The following SYNGR4 variants were observed in gnomAD, a reference collection of about 807,000 sequenced individuals.
SYNGR4 encodes synaptogyrin 4, also known as synaptogyrin-4.
A neutral mutation model predicts 15.5 loss-of-function variants in SYNGR4; 15 were observed. The observed-to-expected ratio is 0.97, with a 90% CI of 0.65 to 1.49. The LOEUF is 1.49. Ranked by LOEUF, SYNGR4 falls within the 40% of genes most tolerant of loss-of-function variation. SYNGR4 has a pLI of 0.00. For synonymous variants in SYNGR4, 121 were observed against 127.4 expected, an observed-to-expected ratio of 0.95 and a Z score of 0.34; for missense variants, 292 against 299.3, an observed-to-expected ratio of 0.98 and a Z score of 0.18.
At chr19:48,374,647 G>A (rs1330058599) in intron 3 of SYNGR4, among the ~76,000 whole-genome samples, 4 of 152,174 alleles carry the variant, frequency 2.6e-5, no homozygotes, top group Non-Finnish European at 4.4e-5. Context: ...TCTCATGCAG[G>A]AGCCACTGAC....
At chr19:48,374,941 A>T (rs1371805913) in intron 3 of SYNGR4, among the ~76,000 whole-genome samples, 1 of 148,326 alleles carries the variant, frequency 6.7e-6, no homozygotes, top group Non-Finnish European at 1.5e-5. Flanking sequence ...GCGCCATGGC[A>T]CCCCAGCCTC....
rs184155648 is a variant in SYNGR4 at position 48,372,730 on chromosome 19, A to C, written c.94-787A>C. On this transcript the variant is annotated intron_variant, in intron 2 of 4. Coordinates refer to ENST00000344846, the MANE Select transcript of SYNGR4 (RefSeq NM_012451.4). ...TCTAAAACAAAATCCCGAAGCCAAA[A>C]AACAAGGCAAAATGTTAATATGTGT... Among the ~76,000 whole-genome samples, 47 of 152,230 alleles carry C rather than the reference A, an allele frequency of 3.1e-4. 2 individuals carry two copies. The East Asian group carries it at 6.0e-3, about 19-fold the overall frequency.
chr19:48,373,615 G>T lies in SYNGR4; in HGVS notation c.192G>T (p.Val64=), dbSNP rs1216902489. The change falls in exon 3 of 5, where the codon GTG becomes GTT. Residue 64 remains valine, a synonymous_variant. Transcript: ENST00000344846. ...QLHCILNSNS[V]ACSFAVGAGF... is the part of the protein sequence containing the mutation. ...ACTGCATTCTCAACAGCAACAGCGT[G>T]GCCTGCAGCTTTGCCGTGGGAGCCG... 3 of 1,613,746 alleles carry T rather than the reference G, an allele frequency of 1.9e-6. No individual in the cohort carries two copies. Among genetic ancestry groups the T allele is most frequent in the Non-Finnish European group, 2.5e-6 (3 of 1,180,036 alleles).
At chr19:48,373,869 C>T (rs1157353783) in intron 3 of SYNGR4, 115 bp downstream of exon 3, 7 of 1,042,318 alleles carry the variant, frequency 6.7e-6, no homozygotes, top group Middle Eastern at 3.0e-4. Context: ...TCCACCCTGA[C>T]TGTCCTCCCA....
At chr19:48,375,024 C>CT (rs1258344237) in intron 3 of SYNGR4, among the ~76,000 whole-genome samples, 15 of 127,780 alleles carry the variant, frequency 1.2e-4, no homozygotes, top group Admixed American at 7.5e-4. Flanking sequence ...AGCTGAGAAA[C>CT]ATTTTTTTTT....
Position 48,373,523 on chromosome 19 carries a change from T to A in SYNGR4, c.100T>A (p.Ser34Thr), listed in dbSNP as rs769603289. 4 of 1,613,230 alleles carry A rather than the reference T, an allele frequency of 2.5e-6. No individual in the cohort carries two copies. Among genetic ancestry groups the A allele is most frequent in the Non-Finnish European group, 2.5e-6 (3 of 1,179,828 alleles). The change falls in exon 3 of 5, where the codon TCC becomes ACC. Residue 34 changes from serine to threonine, a missense_variant. Ser to Thr is a moderately conservative substitution (Grantham distance 58). Transcript: ENST00000344846. ...TITRVFEGVF[S>T]LIVFSSLLTD... ...GGCCCCTGGAAATCCACAGGTCTTC[T>A]CCCTGATCGTCTTCTCCTCCCTGCT... is the stretch of plus-strand genomic sequence containing the variant.
In SYNGR4 at chr19:48,376,342, G is replaced by A. The variant is rs1305511087; in HGVS notation, c.*24G>A. The A allele has an allele frequency of 1.9e-6, 3 of 1,609,910 alleles. No individual in the cohort carries two copies. The highest frequency in any genetic ancestry group is 2.5e-6 in the Non-Finnish European group (3 of 1,178,616). On this transcript the variant is annotated 3_prime_UTR_variant, in exon 5 of 5. Coordinates refer to ENST00000344846, the MANE Select transcript of SYNGR4 (RefSeq NM_012451.4). ...AAATATCCTTATCCAAATCAATAAAGAGAGAATCCTCCCTCCAGAAGGGTT... is the reference window on the plus strand; with the variant it reads ...AAATATCCTTATCCAAATCAATAAAAAGAGAATCCTCCCTCCAGAAGGGTT...
intron 3 of SYNGR4, among the ~76,000 whole-genome samples, chr19:48,374,703 C>T (rs894873070): frequency 2.6e-5 from 4 of 152,128 alleles, no homozygotes; most frequent in East Asian, 1.9e-4. Context: ...TGGCCGGGGA[C>T]GGTGGCTCAC....
chr19:48,375,546 C>T (rs1328245776), intron 3 of SYNGR4, 67 bp from the exon 4 acceptor site: 5 of 1,563,142 alleles, frequency 3.2e-6, no homozygotes, highest in Non-Finnish European at 2.6e-6. Context: ...CCATCCTTCC[C>T]ATGCCTCAGC....
chr19:48,365,635 A>AC (rs36115825), intron 1 of SYNGR4, 101 bp from the exon 2 acceptor site: 108 of 224,746 alleles, frequency 4.8e-4, no homozygotes, highest in African/African-American at 2.1e-3. Flanking sequence ...CATTCCGGGG[A>AC]CCCCCCCCAT....
chr19:48,372,347 A>G (rs1176461224), intron 2 of SYNGR4, among the ~76,000 whole-genome samples: 1 of 152,052 alleles, frequency 6.6e-6, no homozygotes, highest in Non-Finnish European at 1.5e-5. Context: ...TAGCAAATAC[A>G]CATAGAAGAC....
At chr19:48,364,309 C>A, upstream of SYNGR4, 1 of 258,560 alleles carries the variant, frequency 3.9e-6, no homozygotes, top group Non-Finnish European at 7.4e-6. Flanking sequence ...GACTTGGGCG[C>A]AGCCAATCAG....
intron 2 of SYNGR4, among the ~76,000 whole-genome samples, chr19:48,370,544 T>C (rs1285235260): frequency 6.6e-6 from 1 of 152,060 alleles, no homozygotes; most frequent in Non-Finnish European, 1.5e-5. Flanking sequence ...GTTCCAATTC[T>C]AACGAAGGGG....
At position 48,376,184 on chromosome 19, in the gene SYNGR4, C is replaced by G. The variant is rs1374546940; in HGVS notation, c.571C>G (p.Pro191Ala). The G allele has an allele frequency of 6.2e-7, 1 of 1,614,038 alleles. No homozygotes were observed. Among genetic ancestry groups the G allele is most frequent in the African/African-American group, 1.3e-5 (1 of 74,930 alleles). Residue 191 changes from proline to alanine, a missense_variant, in exon 5 of 5, where the codon CCC (proline) becomes GCC (alanine). Coordinates refer to ENST00000344846, the MANE Select transcript of SYNGR4 (RefSeq NM_012451.4). ...GGGTGGCATGGTGCTGACCACCCTC[C>G]CCTTGCCCTCTGCCAACAGCCCTGT... ...DEGGMVLTTL[P>A]LPSANSPVNM...
At position 48,364,550 on chromosome 19, in the gene SYNGR4, C is replaced by CG. The variant is rs1338043995; in HGVS notation, c.-108+17dup. 1.3e-5 allele frequency: 2 copies of CG among 152,202 alleles called. No homozygotes were observed. Among genetic ancestry groups the CG allele is most frequent in the East Asian group, 3.9e-4 (2 of 5,176 alleles). The allele number at this position is 152,202 out of a possible 1,614,324, so 9.4% of individuals were successfully genotyped here. On this transcript the variant is annotated intron_variant, in intron 1 of 4. Coordinates refer to ENST00000344846, the MANE Select transcript of SYNGR4 (RefSeq NM_012451.4). ...CGATTCTAAGAAGGTAGCCCAGTGC[C>CG]GGGGCGTGGCCTCATTCTGAGGTTC...
At chr19:48,371,416 G>C (rs1182287097) in intron 2 of SYNGR4, among the ~76,000 whole-genome samples, 2 of 152,118 alleles carry the variant, frequency 1.3e-5, no homozygotes, top group East Asian at 3.9e-4. Context: ...TGACCATCTG[G>C]GACAAATCAC....
At chr19:48,374,677 CT>C (rs765303841) in intron 3 of SYNGR4, among the ~76,000 whole-genome samples, 1 of 152,182 alleles carries the variant, frequency 6.6e-6, no homozygotes, top group South Asian at 2.1e-4. Context: ...CTATTAAGCA[CT>C]TGAAATGCAG....
chr19:48,376,179 C>T lies in SYNGR4; in HGVS notation c.566C>T (p.Thr189Ile), dbSNP rs1334230312. 7 of 1,614,026 alleles carry T rather than the reference C, an allele frequency of 4.3e-6. No individual in the cohort carries two copies. The highest frequency in any genetic ancestry group is 4.0e-5 in the African/African-American group (3 of 74,908). The part of the protein sequence containing the change: ...FLDEGGMVLT[T>I]LPLPSANSPV... The stretch of plus-strand genomic sequence containing the variant: ...GATGAGGGTGGCATGGTGCTGACCA[C>T]CCTCCCCTTGCCCTCTGCCAACAGC... Residue 189 changes from threonine to isoleucine, a missense_variant, in exon 5 of 5, where the codon ACC becomes ATC. Thr to Ile is a moderately conservative substitution (Grantham distance 89). Coordinates refer to ENST00000344846, the MANE Select transcript of SYNGR4 (RefSeq NM_012451.4).
intron 2 of SYNGR4, chr19:48,373,179 T>C: frequency 3.2e-6 from 1 of 308,958 alleles, no homozygotes; most frequent in Non-Finnish European, 6.3e-6. Flanking sequence ...CCTGAGGCAC[T>C]GGGGAGCCAT....
Sources: gnomAD v4.1 joint callset for allele counts (sites outside exome capture counted in the v4.1 genomes callset) on GRCh38, gnomAD v4.1.1 for gene constraint, MANE v1.5 for transcripts, NCBI Gene and HGNC (gene_info 2026-07-23, HGNC 2026-07-21) for gene names.